MIDN: variants seen among roughly 807,000 people sequenced by gnomAD.
MIDN encodes midnolin, also known as midbrain nucleolar protein.
Under a neutral mutation model 46.1 loss-of-function variants are expected in MIDN, and 26 were observed. The observed-to-expected ratio is 0.56, with a 90% CI of 0.41 to 0.78. The LOEUF is 0.78. Ranked by LOEUF, MIDN falls within the 30% of genes least tolerant of loss-of-function variation. MIDN has a pLI of 0.00. For missense variants in MIDN, 850 were observed against 771.8 expected, an observed-to-expected ratio of 1.10 and a Z score of -1.20; for synonymous variants, 432 against 343.3, an observed-to-expected ratio of 1.26 and a Z score of -2.86.
intron 5 of MIDN, 32 bp from the exon 6 acceptor site, chr19:1,254,135 G>A: frequency 6.3e-7 from 1 of 1,576,298 alleles, no homozygotes. Context: ...CGCAAGCTGG[G>A]GCTCCCAGCT....
Position 1,257,067 on chromosome 19 carries a change from A to T in MIDN, c.1331A>T (p.Gln444Leu). ...GAACGGCTGCAGCTGCTTCTGCAGC[A>T]GAAACGGCTCCGTAGAAAGGCCCGG... ...KVERLQLLLQ[Q>L]KRLRRKARRD... The change falls in exon 9 of 9, where the codon CAG becomes CTG. Residue 444 changes from glutamine (Q) to leucine (L), a missense_variant. Gln to Leu is a moderately radical substitution (Grantham distance 113). Transcript: ENST00000682408. The T allele has an allele frequency of 6.2e-7, 1 of 1,612,468 alleles. No homozygotes were observed. Among genetic ancestry groups the T allele is most frequent in the African/African-American group, 1.3e-5 (1 of 75,076 alleles).
At chr19:1,256,205 C>T (rs183119437) in intron 8 of MIDN, among the ~76,000 whole-genome samples, 3 of 152,364 alleles carry the variant, frequency 2.0e-5, no homozygotes, top group Non-Finnish European at 2.9e-5. Context: ...GGAAACTGGC[C>T]GGGCGCGGTG....
rs1195796182 is a variant in MIDN, at chr19:1,254,323, G to T, written c.670G>T (p.Asp224Tyr). 3.8e-6 allele frequency: 6 copies of T among 1,570,584 alleles called. No individual in the cohort carries two copies. Among genetic ancestry groups the T allele is most frequent in the Non-Finnish European group, 5.1e-6 (6 of 1,165,278 alleles). Reference protein sequence around the residue: ...AAAAAAAARGDPSIASPVSSP... With the variant: ...AAAAAAAARGYPSIASPVSSP... ...GGCCGCCGCCGCTGCTGCGCGGGGG[G>T]ACCCCAGCATAGCCTCCCCCGTGTC... Residue 224 changes from aspartate to tyrosine, a missense_variant, in exon 6 of 9, where the codon GAC becomes TAC. Transcript: ENST00000682408.
In MIDN at chr19:1,254,307, C is replaced by T. The variant is rs755955435; in HGVS notation, c.654C>T (p.Ala218=). 1.3e-5 allele frequency: 20 copies of T among 1,568,006 alleles called. No homozygotes were observed. Among genetic ancestry groups the T allele is most frequent in the Admixed American group, 5.4e-5 (3 of 55,624 alleles). ...HRHVLAAAAA[A]AAARGDPSIA... Reference sequence around the variant, plus strand: ...ATGTGCTGGCCGCTGCGGCCGCCGCCGCTGCTGCGCGGGGGGACCCCAGCA... The same window carrying T: ...ATGTGCTGGCCGCTGCGGCCGCCGCTGCTGCTGCGCGGGGGGACCCCAGCA... The change falls in exon 6 of 9, where the codon GCC becomes GCT. Residue 218 remains alanine, a synonymous_variant. Transcript: ENST00000682408.
In MIDN at chr19:1,257,130, G is replaced by A. The variant is rs148644773; in HGVS notation, c.1394G>A (p.Arg465His). 9.9e-6 allele frequency: 16 copies of A among 1,611,336 alleles called. No homozygotes were observed. Among genetic ancestry groups the A allele is most frequent in the African/African-American group, 1.3e-5 (1 of 74,906 alleles). The change falls in exon 9 of 9, where the codon CGC becomes CAC. Residue 465 changes from arginine (R) to histidine (H), a missense_variant. Transcript: ENST00000682408. ...ARGPYHWSPS[R>H]KAGRSDSSSS... ...GGTCCGTACCACTGGTCACCCAGCC[G>A]CAAGGCCGGCCGCAGCGACAGCAGT...
At chr19:1,252,276 C>T (rs1285890664) in intron 4 of MIDN, among the ~76,000 whole-genome samples, 1 of 152,136 alleles carries the variant, frequency 6.6e-6, no homozygotes, top group Non-Finnish European at 1.5e-5. Context: ...GAGCGAGTTT[C>T]TCCTTTTTTA....
At position 1,256,461 on chromosome 19, in the gene MIDN, GA is replaced by G. The variant is rs2081200321; in HGVS notation, c.1259-533del. On this transcript the variant is annotated intron_variant, in intron 8 of 8. Coordinates refer to ENST00000682408, the MANE Select transcript of MIDN (RefSeq NM_001388306.1). ...CGCGCCACTGCACTCCAGCCTGGGC[GA>G]CAGAGCGAGACTCCGTCTCAAAAAA... Among the ~76,000 whole-genome samples, 4 of 143,650 alleles carry G rather than the reference GA, an allele frequency of 2.8e-5. No homozygotes were observed. In the South Asian group the frequency reaches 8.9e-4, roughly 32 times the overall value. 94.2% of individuals were successfully genotyped at this position (143,650 alleles called of 152,430 possible).
intron 2 of MIDN, 64 bp downstream of exon 2, chr19:1,250,593 A>T (rs2081113476): frequency 1.1e-6 from 1 of 930,096 alleles, no homozygotes; most frequent in Admixed American, 5.3e-5. Flanking sequence ...GGGAACAAAG[A>T]GCGCGCCGCG....
rs750789749 is a variant in MIDN at position 1,257,322 on chromosome 19, G to A, written c.*50G>A. The stretch of plus-strand genomic sequence containing the variant: ...CCCTCGCACCCCAGCCCAGGGCGGC[G>A]GGGACTCCGAGAGCCCCGGAGAGAA... On this transcript the variant is annotated 3_prime_UTR_variant, in exon 9 of 9. Transcript: ENST00000682408. 68 of 1,551,456 alleles carry A rather than the reference G, an allele frequency of 4.4e-5. No homozygotes were observed. In the South Asian group the frequency reaches 5.4e-4, roughly 12 times the overall value.
chr19:1,254,365 G>T lies in MIDN; in HGVS notation c.712G>T (p.Val238Leu), dbSNP rs372950930. 46 of 1,562,086 alleles carry T rather than the reference G, an allele frequency of 2.9e-5. No individual in the cohort carries two copies. The highest frequency in any genetic ancestry group is 3.7e-5 in the Non-Finnish European group (43 of 1,160,868). The change falls in exon 6 of 9, where the codon GTG (valine) becomes TTG (leucine). Residue 238 changes from valine to leucine, a missense_variant. Coordinates refer to ENST00000682408, the MANE Select transcript of MIDN (RefSeq NM_001388306.1). ...CCCCGTGTCCTCGCCCTGCCGGCCG[G>T]TGTCCAGTGCCGCCCGAGTCCCCCC... is the stretch of plus-strand genomic sequence containing the variant. Reference protein sequence around the residue: ...ASPVSSPCRPVSSAARVPPVP... With the variant: ...ASPVSSPCRPLSSAARVPPVP...
chr19:1,250,869 C>G (rs1026440466), intron 2 of MIDN, among the ~76,000 whole-genome samples: 1 of 152,092 alleles, frequency 6.6e-6, no homozygotes, highest in Admixed American at 6.5e-5. Context: ...CGCATCTGCT[C>G]GGCGGCCTCC....
chr19:1,250,543 G>T lies in MIDN; in HGVS notation c.233+14G>T. 8.4e-7 allele frequency: 1 copy of T among 1,191,986 alleles called. No individual in the cohort carries two copies. The highest frequency in any genetic ancestry group is 1.1e-6 in the Non-Finnish European group (1 of 942,546). The allele number at this position is 1,191,986 out of a possible 1,614,324, so 73.8% of individuals were successfully genotyped here. On this transcript the variant is annotated intron_variant, in intron 2 of 8. Coordinates refer to ENST00000682408, the MANE Select transcript of MIDN (RefSeq NM_001388306.1). ...CCACAAAGACACGTAGGTACCGCGC[G>T]CCCCCGGCCGGCCGCCCCCTCGGGC... is the stretch of plus-strand genomic sequence containing the variant.
chr19:1,250,939 G>A (rs1044094558), intron 2 of MIDN, among the ~76,000 whole-genome samples: 4 of 151,162 alleles, frequency 2.6e-5, no homozygotes, highest in African/African-American at 7.3e-5. Flanking sequence ...TCTCGCCTCC[G>A]AGCGCTCCCC....
Position 1,254,184 on chromosome 19 carries a change from G to A in MIDN, c.531G>A (p.Ser177=), listed in dbSNP as rs1024498073. The A allele has an allele frequency of 8.8e-6, 14 of 1,597,144 alleles. No individual in the cohort carries two copies. The highest frequency in any genetic ancestry group is 1.7e-5 in the Admixed American group (1 of 59,488). ...GERPQVSDFL[S]GRSPLTLALR... The stretch of plus-strand genomic sequence containing the variant: ...CCTTGCAGGTCAGTGACTTCCTGTC[G>A]GGCCGTTCGCCACTGACACTGGCCT... The change falls in exon 6 of 9, where the codon TCG becomes TCA. Residue 177 remains serine (S), a synonymous_variant. Transcript: ENST00000682408.
Position 1,251,614 on chromosome 19 carries a change from C to G in MIDN, c.286C>G (p.Leu96Val). The G allele has an allele frequency of 6.2e-7, 1 of 1,606,890 alleles. No individual in the cohort carries two copies. Among genetic ancestry groups the G allele is most frequent in the South Asian group, 1.1e-5 (1 of 90,314 alleles). The change falls in exon 3 of 9, where the codon CTG (leucine) becomes GTG (valine). Residue 96 changes from leucine to valine, a missense_variant. By Grantham distance (32) the Leu-to-Val change is conservative. Transcript: ENST00000682408. ...GTTCGGCGTGGGTGATGGCAGCAAG[C>G]TGACCTTGGTACCCACCGTGGAAGC... ...QEFGVGDGSK[L>V]TLVPTVEAGL... is the part of the protein sequence containing the mutation.
At chr19:1,254,117 G>T in intron 5 of MIDN, 35 bp downstream of exon 5, 1 of 1,556,172 alleles carries the variant, frequency 6.4e-7, no homozygotes, top group South Asian at 1.2e-5. Context: ...GGGCTGGGCT[G>T]GGGGCGCCGC....
At position 1,257,010 on chromosome 19, in the gene MIDN, A is replaced by G; in HGVS notation, c.1274A>G (p.Gln425Arg). The G allele has an allele frequency of 6.2e-7, 1 of 1,610,816 alleles. No homozygotes were observed. The highest frequency in any genetic ancestry group is 8.5e-7 in the Non-Finnish European group (1 of 1,179,858). Residue 425 changes from glutamine (Q) to arginine (R), a missense_variant, in exon 9 of 9, where the codon CAG becomes CGG. Physicochemically the swap from Gln to Arg is conservative, Grantham distance 43. Coordinates refer to ENST00000682408, the MANE Select transcript of MIDN (RefSeq NM_001388306.1). ...MCKPPGDRLR[Q>R]TENRATRCKV... ...TCCTTTGCAGGGGACCGGCTTCGGC[A>G]GACAGAAAACCGCGCCACGCGCTGC... is the stretch of plus-strand genomic sequence containing the variant.
rs374125657 is a variant in MIDN at position 1,256,984 on chromosome 19, C to A, written c.1259-11C>A. ...GGCTTTGGGAGTCACAGGCCACTAC[C>A]TCCTTTGCAGGGGACCGGCTTCGGC... On this transcript the variant is annotated splice_polypyrimidine_tract_variant and intron_variant, in intron 8 of 8. Coordinates refer to ENST00000682408, the MANE Select transcript of MIDN (RefSeq NM_001388306.1). The A allele has an allele frequency of 6.2e-7, 1 of 1,606,918 alleles. No individual in the cohort carries two copies. The highest frequency in any genetic ancestry group is 8.5e-7 in the Non-Finnish European group (1 of 1,179,780).
intron 2 of MIDN, chr19:1,251,231 G>T (rs766027672): frequency 3.3e-5 from 10 of 304,476 alleles, no homozygotes; most frequent in African/African-American, 6.7e-5. Context: ...TGGGGGCAGG[G>T]GCTGCCCTGG....
Sources: gnomAD v4.1 joint callset for allele counts (sites outside exome capture counted in the v4.1 genomes callset) on GRCh38, gnomAD v4.1.1 for gene constraint, MANE v1.5 for transcripts, NCBI Gene and HGNC (gene_info 2026-07-23, HGNC 2026-07-21) for gene names.